Variants in SYTL2 observed in about 807,000 individuals in gnomAD.
SYTL2 encodes synaptotagmin-like protein 2.
Under a neutral mutation model 198.7 loss-of-function variants are expected in SYTL2, and 165 were observed. The ratio of observed to expected loss-of-function variants is 0.83; its 90% CI spans 0.73 to 0.94. The LOEUF (loss-of-function observed/expected upper bound fraction) is 0.94, where lower values mean the gene tolerates loss of function less well. Ranked by LOEUF, SYTL2 falls within the 40% of genes least tolerant of loss-of-function variation. The pLI is 0.00. For synonymous variants in SYTL2, 966 were observed against 917.7 expected, an observed-to-expected ratio of 1.05 and a Z score of -0.95; for missense variants, 2,835 against 2,582.8, an observed-to-expected ratio of 1.10 and a Z score of -2.12.
intron 16 of SYTL2, among the ~76,000 whole-genome samples, chr11:85,702,663 C>G (rs1173507444): frequency 6.6e-6 from 1 of 152,150 alleles, no homozygotes; most frequent in African/African-American, 2.4e-5. Context: ...AGTTTATTCC[C>G]AGATTAAATG....
Position 85,730,759 on chromosome 11 carries a change from G to GA in SYTL2, c.1391-2793dup, listed in dbSNP as rs950738133. 6.0e-5 allele frequency among the ~76,000 whole-genome samples: 9 copies of GA among 150,486 alleles called. No individual in the cohort carries two copies. The East Asian group carries it at 7.8e-4, about 13-fold the overall frequency. ...TTCTGGCTAGGACAATCAGGCAAGA[G>GA]AAAAAAAAAAATGGTATTCAAATAG... On this transcript the variant is annotated intron_variant, in intron 7 of 19. Coordinates refer to ENST00000359152, the MANE Select transcript of SYTL2 (RefSeq NM_206927.4).
At chr11:85,835,551 A>G in the SYTL2 span, among the ~76,000 whole-genome samples, 1 of 152,178 alleles carries the variant, frequency 6.6e-6, no homozygotes, top group Non-Finnish European at 1.5e-5. Context: ...AATCTATACA[A>G]ATGCTTATTT....
intron 1 of SYTL2, among the ~76,000 whole-genome samples, chr11:85,775,663 A>C (rs2092439997): frequency 6.6e-6 from 1 of 152,018 alleles, no homozygotes; most frequent in African/African-American, 2.4e-5. Context: ...TTGTATTTTT[A>C]CTAAGACGGG....
intron 7 of SYTL2, 118 bp from the exon 8 acceptor site, chr11:85,728,085 G>A: frequency 4.8e-6 from 4 of 826,794 alleles, no homozygotes; most frequent in East Asian, 2.7e-5. Context: ...ACCAATAGCT[G>A]TTTATACCAG....
At chr11:85,772,302 G>A (rs984355944) in intron 1 of SYTL2, among the ~76,000 whole-genome samples, 11 of 152,118 alleles carry the variant, frequency 7.2e-5, no homozygotes, top group Non-Finnish European at 1.6e-4. Context: ...CTTTTACTTC[G>A]CCTATCTTCA....
rs535127960 is a variant in SYTL2 at position 85,757,749 on chromosome 11, A to G, written c.-24T>C. On this transcript the variant is annotated 5_prime_UTR_variant, in exon 2 of 20. Transcript: ENST00000359152. ...ATTTTGAAAAGTGCATGCAAAAATA[A>G]TAGCAACAAATGTGGCTCAAAATTC... 1 of 1,608,018 alleles carries G rather than the reference A, an allele frequency of 6.2e-7. No homozygotes were observed. Among genetic ancestry groups the G allele is most frequent in the East Asian group, 2.2e-5 (1 of 44,880 alleles).
At chr11:85,708,256 G>A (rs1033873951) in intron 14 of SYTL2, 3 of 274,532 alleles carry the variant, frequency 1.1e-5, no homozygotes, top group Non-Finnish European at 2.2e-5. Flanking sequence ...GGTGCTTGCA[G>A]TATTTTTAAG....
Position 85,726,507 on chromosome 11 carries a change from G to C in SYTL2, c.2851C>G (p.Leu951Val), listed in dbSNP as rs1192352910. The C allele has an allele frequency of 1.2e-6, 2 of 1,606,306 alleles. No homozygotes were observed. Among genetic ancestry groups the C allele is most frequent in the Admixed American group, 1.7e-5 (1 of 60,008 alleles). The change falls in exon 8 of 20, where the codon CTA (leucine) becomes GTA (valine). Residue 951 changes from leucine to valine, a missense_variant. Coordinates refer to ENST00000359152, the MANE Select transcript of SYTL2 (RefSeq NM_206927.4). ...AAGTTGGCATTTGATTCACGAACTA[G>C]AGGTCTGTCTTTCTCCAATGGAGCA... is the stretch of plus-strand genomic sequence containing the variant. Reference protein sequence around the residue: ...RHAPLEKDRPLVRESNANFKV... With the variant: ...RHAPLEKDRPVVRESNANFKV...
rs748021700 is a variant in SYTL2 at position 85,725,265 on chromosome 11, G to A, written c.4093C>T (p.Pro1365Ser). ...GCAGCACTTACATCATTCAATACAG[G>A]TCTGGGTGGAAGAATGACTTTCTCT... ...TVEKVILPPRPVLNDVSAALQ... is the reference protein window; with the variant it reads ...TVEKVILPPRSVLNDVSAALQ... Residue 1365 changes from proline (P) to serine (S), a missense_variant, in exon 8 of 20, where the codon CCT becomes TCT. By Grantham distance (74) the Pro-to-Ser change is moderately conservative. Coordinates refer to ENST00000359152, the MANE Select transcript of SYTL2 (RefSeq NM_206927.4). The A allele has an allele frequency of 4.3e-6, 7 of 1,614,142 alleles. No homozygotes were observed. Among genetic ancestry groups the A allele is most frequent in the African/African-American group, 4.0e-5 (3 of 75,054 alleles).
chr11:85,728,028 T>G, intron 7 of SYTL2, 61 bp from the exon 8 acceptor site: 1 of 1,404,068 alleles, frequency 7.1e-7, no homozygotes, highest in Non-Finnish European at 9.6e-7. Flanking sequence ...CTGTTAATCA[T>G]TCACATCATC....
chr11:85,771,486 T>C (rs1380586720), intron 1 of SYTL2, among the ~76,000 whole-genome samples: 2 of 152,200 alleles, frequency 1.3e-5, no homozygotes, highest in Admixed American at 1.3e-4. Flanking sequence ...ACAACTGTTG[T>C]TTCAGAGCTG....
At chr11:85,839,563 A>C in the SYTL2 span, among the ~76,000 whole-genome samples, 2 of 152,186 alleles carry the variant, frequency 1.3e-5, no homozygotes, top group African/African-American at 4.8e-5. Flanking sequence ...TTCCTGGCTT[A>C]TTTCACTTAA....
At chr11:85,722,678 C>T (rs986560366) in intron 8 of SYTL2, among the ~76,000 whole-genome samples, 2 of 151,628 alleles carry the variant, frequency 1.3e-5, no homozygotes, top group African/African-American at 4.8e-5. Flanking sequence ...TTATTCTTGC[C>T]ATTACATTAA....
At chr11:85,821,890 A>C in the SYTL2 span, among the ~76,000 whole-genome samples, 4 of 152,186 alleles carry the variant, frequency 2.6e-5, no homozygotes, top group Admixed American at 1.3e-4. Context: ...GTTGCTCTTG[A>C]ATAGCTCTAC....
In SYTL2 at chr11:85,726,929, T is replaced by C. The variant is rs1489019969; in HGVS notation, c.2429A>G (p.His810Arg). ...EGEKAGAKITHEKPTSSCSQE... is the reference protein window; with the variant it reads ...EGEKAGAKITREKPTSSCSQE... ...GCTACATGAAGATGTGGGTTTTTCATGAGTTATCTTAGCACCAGCTTTCTC... is the reference window on the plus strand; with the variant it reads ...GCTACATGAAGATGTGGGTTTTTCACGAGTTATCTTAGCACCAGCTTTCTC... The change falls in exon 8 of 20, where the codon CAT (histidine) becomes CGT (arginine). Residue 810 changes from histidine (H) to arginine (R), a missense_variant. Physicochemically the swap from His to Arg is conservative, Grantham distance 29. Transcript: ENST00000359152. 2.0e-6 allele frequency: 3 copies of C among 1,535,702 alleles called. No homozygotes were observed. The highest frequency in any genetic ancestry group is 1.2e-5 in the South Asian group (1 of 83,974).
chr11:85,817,951 T>G, the SYTL2 span, among the ~76,000 whole-genome samples: 4 of 145,778 alleles, frequency 2.7e-5, no homozygotes, highest in African/African-American at 7.7e-5. Flanking sequence ...TGGTCCAGGA[T>G]GCAGTGCAGT....
Position 85,725,486 on chromosome 11 carries a change from C to T in SYTL2, c.3872G>A (p.Cys1291Tyr). The part of the protein sequence containing the change: ...ALLKKAESGE[C>Y]QLSTQNLIQM... The stretch of plus-strand genomic sequence containing the variant: ...AATCAAATTCTGTGTGCTTAGCTGG[C>T]ACTCACCACTTTCAGCTTTCTTGAG... The change falls in exon 8 of 20, where the codon TGC becomes TAC. Residue 1291 changes from cysteine (C) to tyrosine (Y), a missense_variant. Coordinates refer to ENST00000359152, the MANE Select transcript of SYTL2 (RefSeq NM_206927.4). The T allele has an allele frequency of 1.2e-6, 2 of 1,614,006 alleles. No individual in the cohort carries two copies. The highest frequency in any genetic ancestry group is 1.7e-6 in the Non-Finnish European group (2 of 1,179,922).
At position 85,724,350 on chromosome 11, in the gene SYTL2, C is replaced by A. The variant is rs1371732188; in HGVS notation, c.5008G>T (p.Ala1670Ser). 6.3e-6 allele frequency: 10 copies of A among 1,584,154 alleles called. No homozygotes were observed. The highest frequency in any genetic ancestry group is 8.6e-6 in the Non-Finnish European group (10 of 1,168,240). Residue 1670 changes from alanine to serine, a missense_variant, in exon 8 of 20, where the codon GCT becomes TCT. This residue lies in a region of SYTL2 where 2,645 missense variants were observed against 2,381.7 expected (regional missense o/e 1.11). Transcript: ENST00000359152. The stretch of plus-strand genomic sequence containing the variant: ...GTTTTAATGGTCCCTATTTCATGAG[C>A]CACATAAAGTTGTGGGGTTCTAGGG... ...EIPRTPQLYVAHEIGTIKTVT... is the reference protein window; with the variant it reads ...EIPRTPQLYVSHEIGTIKTVT...
the SYTL2 span, among the ~76,000 whole-genome samples, chr11:85,819,154 A>T: frequency 6.6e-6 from 1 of 152,228 alleles, no homozygotes; most frequent in Admixed American, 6.5e-5. Context: ...TATAGGGTTT[A>T]AACATATAAA....
Sources: allele counts gnomAD v4.1 joint callset (sites outside exome capture counted in the v4.1 genomes callset), GRCh38; gene constraint gnomAD v4.1.1; regional missense constraint gnomAD v4.1.1; transcripts MANE v1.5; gene names NCBI Gene and HGNC (gene_info 2026-07-23, HGNC 2026-07-21).